The following PKHD1L1 variants were observed in gnomAD, a reference collection of about 807,000 sequenced individuals.
The protein encoded by PKHD1L1 is fibrocystin-L.
A neutral mutation model predicts 462.9 loss-of-function variants in PKHD1L1; 434 were observed. The observed-to-expected ratio is 0.94, with a 90% CI of 0.87 to 1.02. The LOEUF (loss-of-function observed/expected upper bound fraction) is 1.02, where lower values mean the gene tolerates loss of function less well. PKHD1L1 is among the 50% of genes least tolerant of loss of function. The pLI is 0.00. For synonymous variants in PKHD1L1, 1,781 were observed against 1,750.0 expected, an observed-to-expected ratio of 1.02 and a Z score of -0.44; for missense variants, 5,202 against 5,096.1, an observed-to-expected ratio of 1.02 and a Z score of -0.63.
intron 2 of PKHD1L1, among the ~76,000 whole-genome samples, chr8:109,370,990 G>A (rs1650160495): frequency 6.6e-6 from 1 of 152,158 alleles, no homozygotes; most frequent in Admixed American, 6.5e-5. Context: ...TGTCTTTATA[G>A]GAGCATGATT....
At chr8:109,374,035 T>C (rs943308440) in intron 2 of PKHD1L1, among the ~76,000 whole-genome samples, 3 of 152,200 alleles carry the variant, frequency 2.0e-5, no homozygotes, top group Non-Finnish European at 4.4e-5. Flanking sequence ...GGTGCAGAGC[T>C]GAGTTCAATT....
At chr8:109,366,670 A>G (rs1811247456) in intron 2 of PKHD1L1, among the ~76,000 whole-genome samples, 1 of 150,964 alleles carries the variant, frequency 6.6e-6, no homozygotes, top group Admixed American at 6.6e-5. Flanking sequence ...GGGTCTGTTT[A>G]TGACCATTCC....
intron 9 of PKHD1L1, among the ~76,000 whole-genome samples, chr8:109,392,054 A>G (rs1812737735): frequency 6.6e-6 from 1 of 152,216 alleles, no homozygotes. Context: ...ATAACTTAAC[A>G]GTTATTCTCC....
At chr8:109,488,178 G>A (rs1321504439) in intron 59 of PKHD1L1, among the ~76,000 whole-genome samples, 1 of 151,720 alleles carries the variant, frequency 6.6e-6, no homozygotes, top group Non-Finnish European at 1.5e-5. Context: ...GGAAACACAG[G>A]AAAAAATGCT....
At chr8:109,476,378 C>T in intron 51 of PKHD1L1, 130 bp from the exon 52 acceptor site, 1 of 604,452 alleles carries the variant, frequency 1.7e-6, no homozygotes, top group Non-Finnish European at 2.7e-6. Context: ...AAATTCAAGA[C>T]AAAAAACAAA....
intron 50 of PKHD1L1, among the ~76,000 whole-genome samples, chr8:109,474,458 G>A (rs1485600470): frequency 1.3e-5 from 2 of 152,070 alleles, no homozygotes; most frequent in East Asian, 1.9e-4. Context: ...GGTAGTTCAG[G>A]TTCAAGGTTT....
rs1563591995 is a variant in PKHD1L1, at chr8:109,480,157, G to A, written c.9327+18G>A. ...CACTGCAGGTAAGAGTGAGGGCCTT[G>A]TAGTTTATATCTTTATTAATCTAAT... On this transcript the variant is annotated intron_variant, in intron 55 of 77. Coordinates refer to ENST00000378402, the MANE Select transcript of PKHD1L1 (RefSeq NM_177531.6). 6.6e-7 allele frequency: 1 copy of A among 1,525,804 alleles called. No homozygotes were observed. The highest frequency in any genetic ancestry group is 8.7e-7 in the Non-Finnish European group (1 of 1,142,942). The allele number at this position is 1,525,804 out of a possible 1,614,324, so 94.5% of individuals were successfully genotyped here.
intron 68 of PKHD1L1, 90 bp from the exon 69 acceptor site, chr8:109,507,572 AT>A: frequency 1.2e-5 from 13 of 1,110,150 alleles, no homozygotes; most frequent in African/African-American, 1.6e-5. Flanking sequence ...CAATAGATCA[AT>A]TTTTTTGGAT....
intron 53 of PKHD1L1, 90 bp from the exon 54 acceptor site, chr8:109,479,460 CT>C: frequency 1.1e-6 from 1 of 877,134 alleles, no homozygotes; most frequent in Non-Finnish European, 1.8e-6. Flanking sequence ...CATGTAAAAT[CT>C]TATGGGGAAA....
Position 109,427,137 on chromosome 8 carries a change from G to C in PKHD1L1, c.2981G>C (p.Gly994Ala). The C allele has an allele frequency of 6.2e-7, 1 of 1,613,768 alleles. No homozygotes were observed. ...AACATCAAATGGAGAAGCACCTGCG[G>C]AAAGCAGAATCTTCTACAGGTTCCC... ...AWNIKWRSTC[G>A]KQNLLQINDS... The change falls in exon 25 of 78, where the codon GGA becomes GCA. Residue 994 changes from glycine (G) to alanine (A), a missense_variant. Coordinates refer to ENST00000378402, the MANE Select transcript of PKHD1L1 (RefSeq NM_177531.6).
chr8:109,433,004 T>C, intron 27 of PKHD1L1, 102 bp from the exon 28 acceptor site: 1 of 860,730 alleles, frequency 1.2e-6, no homozygotes. Context: ...TGTTTATATC[T>C]TTTGAAGATA....
chr8:109,507,086 T>G (rs974830584), intron 68 of PKHD1L1, among the ~76,000 whole-genome samples: 4 of 152,164 alleles, frequency 2.6e-5, no homozygotes, highest in Admixed American at 2.0e-4. Flanking sequence ...TTTATCTATA[T>G]ATCCATAAAC....
intron 72 of PKHD1L1, among the ~76,000 whole-genome samples, chr8:109,517,815 C>T (rs910823567): frequency 8.6e-5 from 13 of 151,996 alleles, no homozygotes; most frequent in African/African-American, 3.1e-4. Flanking sequence ...TTACCAAATG[C>T]CTTCAGTCAA....
chr8:109,479,331 T>C (rs985016901), intron 53 of PKHD1L1, among the ~76,000 whole-genome samples: 1 of 152,012 alleles, frequency 6.6e-6, no homozygotes, highest in Non-Finnish European at 1.5e-5. Flanking sequence ...AGACCATCCT[T>C]CTACCCCTTT....
At chr8:109,375,271 C>T (rs149828810) in intron 2 of PKHD1L1, among the ~76,000 whole-genome samples, 3 of 152,224 alleles carry the variant, frequency 2.0e-5, no homozygotes, top group Admixed American at 1.3e-4. Flanking sequence ...TCGCTGATAC[C>T]CTATCTTCCA....
At chr8:109,404,436 A>G (rs1813423441) in intron 14 of PKHD1L1, 118 bp from the exon 15 acceptor site, 1 of 577,566 alleles carries the variant, frequency 1.7e-6, no homozygotes, top group African/African-American at 1.9e-5. Flanking sequence ...GAGATACTAC[A>G]ATATAAGTCA....
Position 109,380,410 on chromosome 8 carries a change from C to A in PKHD1L1, c.164-960C>A, listed in dbSNP as rs140303286. On this transcript the variant is annotated intron_variant, in intron 2 of 77. Transcript: ENST00000378402. ...CCTCTAACTCTAGTTAGAGCTGTGG[C>A]AAATAGTTCCTTGTGTACTTTGACT... Among the ~76,000 whole-genome samples, 7 of 152,270 alleles carry A rather than the reference C, an allele frequency of 4.6e-5. No homozygotes were observed. In the East Asian group the frequency reaches 1.2e-3, roughly 25 times the overall value.
At chr8:109,431,895 C>A (rs1181226497) in intron 27 of PKHD1L1, among the ~76,000 whole-genome samples, 1 of 152,060 alleles carries the variant, frequency 6.6e-6, no homozygotes, top group African/African-American at 2.4e-5. Flanking sequence ...ACTAGATGAC[C>A]AAATTGCTCT....
intron 6 of PKHD1L1, among the ~76,000 whole-genome samples, chr8:109,386,919 A>C (rs757830951): frequency 6.6e-6 from 1 of 152,182 alleles, no homozygotes; most frequent in Non-Finnish European, 1.5e-5. Flanking sequence ...ACAGAATTGC[A>C]GTGAGATGGG....
Sources: gnomAD v4.1 joint callset for allele counts (sites outside exome capture counted in the v4.1 genomes callset) on GRCh38, gnomAD v4.1.1 for gene constraint, MANE v1.5 for transcripts, NCBI Gene and HGNC (gene_info 2026-07-23, HGNC 2026-07-21) for gene names.